The following MFN1 variants were observed in gnomAD, a reference collection of about 807,000 sequenced individuals.
MFN1 encodes the protein mitofusin-1.
MFN1 carries 65 observed loss-of-function variants against 92.4 expected under a neutral mutation model. The ratio of observed to expected loss-of-function variants is 0.70; its 90% confidence interval spans 0.58 to 0.86. The LOEUF (loss-of-function observed/expected upper bound fraction) is 0.86. Ranked by LOEUF, MFN1 falls within the 40% of genes least tolerant of loss-of-function variation. The pLI is 0.00. For missense variants in MFN1, 781 were observed against 868.0 expected (o/e 0.90, Z 1.26); for synonymous variants, 297 against 300.9 (o/e 0.99, Z 0.13).
chr3:179,382,651 T>A (rs535251631), intron 14 of MFN1, among the ~76,000 whole-genome samples: 231 of 152,312 alleles, frequency 1.5e-3, no homozygotes, highest in African/African-American at 4.8e-3. Flanking sequence ...CACCACACTG[T>A]CTTCCACAAT....
intron 13 of MFN1, 49 bp from the exon 14 acceptor site, chr3:179,378,536 A>G (rs773003497): frequency 3.2e-6 from 5 of 1,552,708 alleles, no homozygotes; most frequent in African/African-American, 2.7e-5. Flanking sequence ...CATTGAAGGT[A>G]AAACATTTAC....
intron 2 of MFN1, 135 bp from the exon 3 acceptor site, chr3:179,351,765 C>A: frequency 1.3e-6 from 1 of 776,842 alleles, no homozygotes; most frequent in Non-Finnish European, 1.9e-6. Flanking sequence ...GAGTATGCAC[C>A]TTTTACCAAA....
At chr3:179,377,835 C>T (rs560468737) in intron 12 of MFN1, among the ~76,000 whole-genome samples, 5 of 151,928 alleles carry the variant, frequency 3.3e-5, no homozygotes, top group East Asian at 1.9e-4. Context: ...GAGGCTGAGG[C>T]GGACGGATCA....
At position 179,377,539 on chromosome 3, in the gene MFN1, A is replaced by C. The variant is rs376898563; in HGVS notation, c.1329+91A>C. 1.6e-5 allele frequency: 12 copies of C among 751,704 alleles called. 2 individuals carry two copies. Among genetic ancestry groups the C allele is most frequent in the Admixed American group, 2.7e-5 (1 of 37,526 alleles). 46.6% of individuals were successfully genotyped at this position (751,704 alleles called of 1,614,324 possible). The stretch of plus-strand genomic sequence containing the variant: ...TCATGGTTTGGCATTTCAGTGTATC[A>C]GTACAAAATGAAACTGTTAGATCTC... On this transcript the variant is annotated intron_variant, in intron 12 of 17. Transcript: ENST00000471841.
In MFN1 at chr3:179,379,698, AT is replaced by A. The variant is rs574980755; in HGVS notation, c.1662+886del. 1.4e-4 allele frequency among the ~76,000 whole-genome samples: 21 copies of A among 152,320 alleles called. No homozygotes were observed. The South Asian group carries it at 4.3e-3, about 32-fold the overall frequency. The stretch of plus-strand genomic sequence containing the variant: ...GCCTACAGATACCCTTGTGGGTGAC[AT>A]TGATAAGAAAAAGAAGAGGCATTTA... On this transcript the variant is annotated intron_variant, in intron 14 of 17. Coordinates refer to ENST00000471841, the MANE Select transcript of MFN1 (RefSeq NM_033540.3).
intron 14 of MFN1, among the ~76,000 whole-genome samples, chr3:179,383,587 G>GT (rs1713556959): frequency 1.3e-5 from 2 of 152,052 alleles, no homozygotes; most frequent in South Asian, 2.1e-4. Context: ...CTTTAAAGTA[G>GT]TTTTTTTCCA....
At chr3:179,354,212 G>C (rs955536392) in intron 3 of MFN1, among the ~76,000 whole-genome samples, 1 of 152,170 alleles carries the variant, frequency 6.6e-6, no homozygotes, top group African/African-American at 2.4e-5. Context: ...CTTTGGATGT[G>C]AAAAAGGTCC....
chr3:179,387,599 T>C (rs1713737956), intron 16 of MFN1, among the ~76,000 whole-genome samples: 1 of 92,676 alleles, frequency 1.1e-5, no homozygotes, highest in Admixed American at 1.3e-4. Flanking sequence ...TTTTTTTTTT[T>C]TTTTTTTTTT....
intron 12 of MFN1, among the ~76,000 whole-genome samples, chr3:179,377,718 G>A (rs1713296533): frequency 4.6e-5 from 7 of 152,264 alleles, no homozygotes; most frequent in Middle Eastern, 3.4e-3. Context: ...AGGATCAGTT[G>A]GGCCCCAGAG....
At chr3:179,367,240 T>C (rs946439507) in intron 7 of MFN1, among the ~76,000 whole-genome samples, 199 bp from the exon 8 acceptor site, 1 of 152,216 alleles carries the variant, frequency 6.6e-6, no homozygotes, top group Non-Finnish European at 1.5e-5. Flanking sequence ...TTTAAATAGA[T>C]GTTCAAAAGA....
At position 179,390,077 on chromosome 3, in the gene MFN1, G is replaced by T. The variant is rs1165957075; in HGVS notation, c.2086G>T (p.Ala696Ser). 4 of 1,606,536 alleles carry T rather than the reference G, an allele frequency of 2.5e-6. No homozygotes were observed. The highest frequency in any genetic ancestry group is 2.5e-6 in the Non-Finnish European group (3 of 1,177,810). The change falls in exon 17 of 18, where the codon GCT becomes TCT. Residue 696 changes from alanine to serine, a missense_variant. Coordinates refer to ENST00000471841, the MANE Select transcript of MFN1 (RefSeq NM_033540.3). ...TCAAAAACAGCTGGAAGAAGAAATT[G>T]CTAGATTACCCAAAGAAATAGATCA... ...ITQKQLEEEI[A>S]RLPKEIDQLE... is the part of the protein sequence containing the mutation.
intron 14 of MFN1, among the ~76,000 whole-genome samples, chr3:179,383,929 A>G (rs1713573146): frequency 2.0e-5 from 3 of 152,088 alleles, no homozygotes; most frequent in African/African-American, 7.2e-5. Context: ...CATCACCACA[A>G]TTTAGTTTTA....
chr3:179,351,443 A>G (rs979650480), intron 2 of MFN1, among the ~76,000 whole-genome samples: 4 of 152,144 alleles, frequency 2.6e-5, no homozygotes, highest in Non-Finnish European at 5.9e-5. Flanking sequence ...GAACGTGGTA[A>G]AGTAGCAAGG....
At chr3:179,349,087 A>C in intron 2 of MFN1, 124 bp downstream of exon 2, 1 of 669,674 alleles carries the variant, frequency 1.5e-6, no homozygotes, top group Non-Finnish European at 2.3e-6. Flanking sequence ...GAAGTACCAT[A>C]ATGAATAAAA....
rs1274394439 is a variant in MFN1 at position 179,386,457 on chromosome 3, C to T, written c.1840C>T (p.Leu614Phe). ...GVIWKTIGWK[L>F]LSVSLTMYGA... The stretch of plus-strand genomic sequence containing the variant: ...GATTTGGAAAACTATAGGCTGGAAA[C>T]TCCTATCTGTTTCATTAACTATGTA... The change falls in exon 16 of 18, where the codon CTC becomes TTC. Residue 614 changes from leucine to phenylalanine, a missense_variant. Coordinates refer to ENST00000471841, the MANE Select transcript of MFN1 (RefSeq NM_033540.3). 6.2e-7 allele frequency: 1 copy of T among 1,612,758 alleles called. No homozygotes were observed. Among genetic ancestry groups the T allele is most frequent in the South Asian group, 1.1e-5 (1 of 90,834 alleles).
At chr3:179,350,717 A>G (rs1246106373) in intron 2 of MFN1, among the ~76,000 whole-genome samples, 1 of 152,258 alleles carries the variant, frequency 6.6e-6, no homozygotes, top group African/African-American at 2.4e-5. Context: ...GTTATTCACC[A>G]AATTGCACAT....
intron 3 of MFN1, 96 bp from the exon 4 acceptor site, chr3:179,358,744 A>G: frequency 1.5e-6 from 2 of 1,301,366 alleles, no homozygotes; most frequent in South Asian, 1.6e-5. Context: ...AATCTTAACA[A>G]AATTTGGATT....
rs150378003 is a variant in MFN1, at chr3:179,385,651, T to C, written c.1745T>C (p.Ile582Thr). 2.5e-6 allele frequency: 4 copies of C among 1,613,632 alleles called. No individual in the cohort carries two copies. The highest frequency in any genetic ancestry group is 3.4e-6 in the Non-Finnish European group (4 of 1,179,634). The change falls in exon 15 of 18, where the codon ATT (isoleucine) becomes ACT (threonine). Residue 582 changes from isoleucine (I) to threonine (T), a missense_variant. By Grantham distance (89) the Ile-to-Thr change is moderately conservative. Coordinates refer to ENST00000471841, the MANE Select transcript of MFN1 (RefSeq NM_033540.3). ...PDNASQEELM[I>T]TLVTGLASVT... ...AATGCATCACAGGAAGAACTCATGA[T>C]TACATTAGTAACAGGATTGGCGTCC...
rs140424639 is a variant in MFN1 at position 179,379,765 on chromosome 3, T to C, written c.1662+951T>C. On this transcript the variant is annotated intron_variant, in intron 14 of 17. Transcript: ENST00000471841. ...CATAAATTTAAGCTGTTGGAAAAACTGGACAATAATGTAAGTGAGAAACTT... is the reference window on the plus strand; with the variant it reads ...CATAAATTTAAGCTGTTGGAAAAACCGGACAATAATGTAAGTGAGAAACTT... Among the ~76,000 whole-genome samples the C allele has an allele frequency of 8.8e-3, 1,333 of 152,270 alleles. 11 individuals carry two copies. Among genetic ancestry groups the C allele is most frequent in the East Asian group, 0.034 (176 of 5,174 alleles).
Sources: allele counts gnomAD v4.1 joint callset (sites outside exome capture counted in the v4.1 genomes callset), GRCh38; gene constraint gnomAD v4.1.1; transcripts MANE v1.5; gene names NCBI Gene and HGNC (gene_info 2026-07-23, HGNC 2026-07-21).